KIAA1217: variants seen among roughly 807,000 people sequenced by gnomAD.
KIAA1217 encodes the protein KIAA1217.
A neutral mutation model predicts 163.9 loss-of-function variants in KIAA1217; 88 were observed. The observed-to-expected ratio is 0.54, with a 90% confidence interval of 0.45 to 0.64. The LOEUF (loss-of-function observed/expected upper bound fraction) is 0.64. Among genes scored for constraint, KIAA1217 ranks in the 30% least tolerant of loss-of-function variants. The probability of loss-of-function intolerance (pLI) is 0.00; values close to 1 mark genes in which losing one functional copy is unlikely to be tolerated. For synonymous variants in KIAA1217, 903 were observed against 923.1 expected (o/e 0.98, Z 0.39); for missense variants, 2,372 against 2,475.0 (o/e 0.96, Z 0.88).
intron 2 of KIAA1217, among the ~76,000 whole-genome samples, chr10:24,009,763 G>T (rs1847162354): frequency 1.3e-5 from 2 of 152,148 alleles, no homozygotes; most frequent in Admixed American, 1.3e-4. Context: ...CTACCTCTTA[G>T]CCTGTAGTTA....
chr10:23,715,496 TTAC>T (rs1340626596), intron 1 of KIAA1217, among the ~76,000 whole-genome samples: 1 of 152,210 alleles, frequency 6.6e-6, no homozygotes, highest in Non-Finnish European at 1.5e-5. Context: ...TATTACCTTT[TTAC>T]TATTGAGTAT....
At chr10:24,274,130 T>C (rs1416091240) in intron 2 of KIAA1217, among the ~76,000 whole-genome samples, 1 of 152,224 alleles carries the variant, frequency 6.6e-6, no homozygotes, top group Non-Finnish European at 1.5e-5. Flanking sequence ...AAGTGACTGA[T>C]GCTTATTTTC....
chr10:23,762,417 C>T (rs1834308189), intron 1 of KIAA1217, among the ~76,000 whole-genome samples: 1 of 152,096 alleles, frequency 6.6e-6, no homozygotes, highest in African/African-American at 2.4e-5. Context: ...ACTTATCTAC[C>T]ATGATCAAGT....
chr10:24,442,911 A>C (rs1315800067), intron 5 of KIAA1217, among the ~76,000 whole-genome samples: 1 of 136,576 alleles, frequency 7.3e-6, no homozygotes. Flanking sequence ...CTTTTGTGGG[A>C]TTTTTTTTTT....
chr10:24,469,052 A>G (rs1403782067), intron 5 of KIAA1217, among the ~76,000 whole-genome samples: 2 of 152,072 alleles, frequency 1.3e-5, no homozygotes, highest in Admixed American at 6.6e-5. Context: ...TAAATTTTAC[A>G]TTTTCTTTTT....
chr10:24,291,954 A>G (rs1379781204), intron 2 of KIAA1217, among the ~76,000 whole-genome samples: 3 of 152,176 alleles, frequency 2.0e-5, no homozygotes, highest in South Asian at 4.1e-4. Flanking sequence ...TTGCAGTTGC[A>G]TAGAGAAACT....
chr10:23,874,116 C>A (rs924927638), intron 1 of KIAA1217, among the ~76,000 whole-genome samples: 1 of 152,094 alleles, frequency 6.6e-6, no homozygotes, highest in South Asian at 2.1e-4. Context: ...TTGATATTAA[C>A]CAAGTCACGT....
upstream of KIAA1217, among the ~76,000 whole-genome samples, chr10:24,204,249 A>G (rs1184216040): frequency 6.6e-6 from 1 of 152,106 alleles, no homozygotes; most frequent in East Asian, 1.9e-4. Flanking sequence ...AGCCACTGGA[A>G]TTTTAAGGAC....
At chr10:24,264,448 A>G (rs556472843) in intron 2 of KIAA1217, among the ~76,000 whole-genome samples, 158 of 152,264 alleles carry the variant, frequency 1.0e-3, no homozygotes, top group Non-Finnish European at 1.7e-3. Context: ...AGGTCAACAA[A>G]GTTGTGTCAG....
At chr10:23,889,856 A>G (rs1039440871) in intron 1 of KIAA1217, among the ~76,000 whole-genome samples, 1 of 151,740 alleles carries the variant, frequency 6.6e-6, no homozygotes, top group Non-Finnish European at 1.5e-5. Flanking sequence ...GCTAAATTCT[A>G]TTCATTTTTA....
intron 5 of KIAA1217, among the ~76,000 whole-genome samples, chr10:24,444,232 G>C (rs895251813): frequency 2.0e-5 from 3 of 152,010 alleles, no homozygotes; most frequent in Non-Finnish European, 4.4e-5. Context: ...GGCTGGTCTC[G>C]AACTCCTGAC....
intron 3 of KIAA1217, among the ~76,000 whole-genome samples, chr10:24,430,998 A>C (rs973560984): frequency 1.3e-5 from 2 of 152,162 alleles, no homozygotes; most frequent in African/African-American, 4.8e-5. Flanking sequence ...CTACCTTCAG[A>C]AGGGTTGGGA....
At chr10:23,709,431 A>C (rs921062991) in intron 1 of KIAA1217, among the ~76,000 whole-genome samples, 1 of 152,014 alleles carries the variant, frequency 6.6e-6, no homozygotes, top group Admixed American at 6.6e-5. Flanking sequence ...CAGGAGGCTA[A>C]GGTGGGAGGA....
chr10:24,322,201 G>T (rs185278042), intron 2 of KIAA1217, among the ~76,000 whole-genome samples: 3 of 152,176 alleles, frequency 2.0e-5, no homozygotes, highest in East Asian at 3.9e-4. Context: ...TGATCCACCC[G>T]CCTCAGCCTC....
At chr10:24,339,822 C>A (rs1446861106) in intron 2 of KIAA1217, among the ~76,000 whole-genome samples, 2 of 152,132 alleles carry the variant, frequency 1.3e-5, no homozygotes, top group South Asian at 2.1e-4. Context: ...ACATCTTTTA[C>A]AATGAAGAAC....
At chr10:24,023,373 C>T (rs754289559) in intron 2 of KIAA1217, among the ~76,000 whole-genome samples, 1 of 151,562 alleles carries the variant, frequency 6.6e-6, no homozygotes, top group Non-Finnish European at 1.5e-5. Context: ...CTATAACCAG[C>T]AGTTTTCCAT....
intron 1 of KIAA1217, among the ~76,000 whole-genome samples, chr10:23,716,590 T>C (rs1837584131): frequency 6.6e-6 from 1 of 152,136 alleles, no homozygotes; most frequent in African/African-American, 2.4e-5. Context: ...AACCAACTTC[T>C]CCCTCTGGAG....
intron 2 of KIAA1217, among the ~76,000 whole-genome samples, chr10:24,080,016 T>C (rs529937728): frequency 6.6e-6 from 1 of 152,274 alleles, no homozygotes; most frequent in East Asian, 1.9e-4. Context: ...CAGAGACAAA[T>C]GAAAAGGCTG....
Position 23,716,535 on chromosome 10 carries a change from T to C in KIAA1217, c.-321+21301T>C, listed in dbSNP as rs568849447. Among the ~76,000 whole-genome samples, 9 of 152,296 alleles carry C rather than the reference T, an allele frequency of 5.9e-5. No individual in the cohort carries two copies. The South Asian group carries it at 1.0e-3, about 18-fold the overall frequency. On this transcript the variant is annotated intron_variant, in intron 1 of 18. Coordinates refer to the KIAA1217 transcript ENST00000376462. ...AGTGTGAACCTGCTTTGTCTTTCCT[T>C]GAATAAAATTAAAGTGATTGGATCT...
Sources: allele counts gnomAD v4.1 joint callset (sites outside exome capture counted in the v4.1 genomes callset), GRCh38; gene constraint gnomAD v4.1.1; transcripts MANE v1.5; gene names NCBI Gene and HGNC (gene_info 2026-07-23, HGNC 2026-07-21).